The following IMMP2L variants were observed in gnomAD, a reference collection of about 807,000 sequenced individuals.
IMMP2L encodes the protein inner mitochondrial membrane peptidase subunit 2.
In IMMP2L, 18 loss-of-function variants were observed where a neutral mutation model predicts 19.3. The ratio of observed to expected loss-of-function variants is 0.93; its 90% CI spans 0.64 to 1.38. The LOEUF (loss-of-function observed/expected upper bound fraction) is 1.38. IMMP2L is among the 40% of genes most tolerant of loss of function. The pLI is 0.00. For synonymous variants in IMMP2L, 76 were observed against 73.0 expected, an observed-to-expected ratio of 1.04 and a Z score of -0.21; for missense variants, 233 against 218.2, an observed-to-expected ratio of 1.07 and a Z score of -0.43.
intron 3 of IMMP2L, among the ~76,000 whole-genome samples, chr7:111,253,353 G>A (rs1013049412): frequency 6.6e-6 from 1 of 152,114 alleles, no homozygotes; most frequent in Non-Finnish European, 1.5e-5. Context: ...CAGGACTCAA[G>A]GAGCTGACAT....
At position 111,055,963 on chromosome 7, in the gene IMMP2L, T is replaced by G. The variant is rs1031675459; in HGVS notation, c.240-92398A>C. 7.2e-5 allele frequency among the ~76,000 whole-genome samples: 11 copies of G among 152,276 alleles called. No homozygotes were observed. The East Asian group carries it at 2.1e-3, about 29-fold the overall frequency. On this transcript the variant is annotated intron_variant, in intron 3 of 5. Coordinates refer to ENST00000405709, the MANE Select transcript of IMMP2L (RefSeq NM_032549.4). ...GGCTAGTGCTTTTAGAATTGGCATA[T>G]TTAATAAAAACTCATGACATTGAAC... is the stretch of plus-strand genomic sequence containing the variant.
At chr7:110,814,422 T>C (rs1384868188) in intron 5 of IMMP2L, among the ~76,000 whole-genome samples, 3 of 147,224 alleles carry the variant, frequency 2.0e-5, no homozygotes, top group Non-Finnish European at 3.0e-5. Context: ...TGAGGAAATA[T>C]CAAAGTAAAA....
chr7:111,486,190 T>G (rs1842641459), intron 3 of IMMP2L, among the ~76,000 whole-genome samples: 1 of 152,204 alleles, frequency 6.6e-6, no homozygotes, highest in Non-Finnish European at 1.5e-5. Flanking sequence ...CACTTGAATT[T>G]ATTTCATTAG....
At chr7:111,347,084 G>A (rs1030048727) in intron 3 of IMMP2L, among the ~76,000 whole-genome samples, 2 of 152,092 alleles carry the variant, frequency 1.3e-5, no homozygotes, top group Admixed American at 6.6e-5. Flanking sequence ...AGTCTAGAAC[G>A]ACTGCCAAGT....
intron 3 of IMMP2L, among the ~76,000 whole-genome samples, chr7:111,460,915 T>C (rs1198455606): frequency 6.6e-6 from 1 of 152,084 alleles, no homozygotes; most frequent in Non-Finnish European, 1.5e-5. Flanking sequence ...TATAGTTCCT[T>C]CTCATATTTT....
chr7:110,674,821 A>AG (rs902113426), intron 5 of IMMP2L, among the ~76,000 whole-genome samples: 2 of 152,146 alleles, frequency 1.3e-5, no homozygotes, highest in African/African-American at 4.8e-5. Flanking sequence ...GGGCCTCTCC[A>AG]GAGCACCTAC....
chr7:110,902,078 G>A (rs1248725985), intron 4 of IMMP2L, among the ~76,000 whole-genome samples: 1 of 151,984 alleles, frequency 6.6e-6, no homozygotes, highest in Non-Finnish European at 1.5e-5. Context: ...ATTCTATCAA[G>A]TCAACTCAGT....
Position 110,953,102 on chromosome 7 carries a change from T to C in IMMP2L, c.305+10398A>G, listed in dbSNP as rs558766594. The stretch of plus-strand genomic sequence containing the variant: ...ATAAACATCTGATTCCTTAGAAATA[T>C]ATTTCAAGTGCATATTTTCATTTTG... On this transcript the variant is annotated intron_variant, in intron 4 of 5. Coordinates refer to ENST00000405709, the MANE Select transcript of IMMP2L (RefSeq NM_032549.4). Among the ~76,000 whole-genome samples the C allele has an allele frequency of 1.4e-4, 21 of 152,258 alleles. No homozygotes were observed. The South Asian group carries it at 4.1e-3, about 30-fold the overall frequency.
intron 3 of IMMP2L, among the ~76,000 whole-genome samples, chr7:111,163,483 G>GAA (rs1805487950): frequency 6.6e-6 from 1 of 151,970 alleles, no homozygotes; most frequent in Non-Finnish European, 1.5e-5. Flanking sequence ...TTGACACTCT[G>GAA]AAAAAAAGTT....
chr7:110,922,756 T>C (rs1196913738), intron 4 of IMMP2L, among the ~76,000 whole-genome samples: 2 of 152,228 alleles, frequency 1.3e-5, no homozygotes, highest in Non-Finnish European at 1.5e-5. Flanking sequence ...CAGCCACCGA[T>C]TGTAAGAATA....
At chr7:111,323,821 A>G (rs948064574) in intron 3 of IMMP2L, among the ~76,000 whole-genome samples, 5 of 152,182 alleles carry the variant, frequency 3.3e-5, no homozygotes, top group Non-Finnish European at 7.3e-5. Flanking sequence ...ATAAAAAATG[A>G]TGAGTTCATG....
intron 3 of IMMP2L, among the ~76,000 whole-genome samples, chr7:111,165,936 C>CT (rs762485510): frequency 2.6e-5 from 4 of 152,038 alleles, no homozygotes; most frequent in Non-Finnish European, 5.9e-5. Flanking sequence ...TCAGCAGAGA[C>CT]TAAGACTGAA....
intron 5 of IMMP2L, among the ~76,000 whole-genome samples, chr7:110,706,798 C>G (rs1794716673): frequency 6.6e-6 from 1 of 151,942 alleles, no homozygotes; most frequent in African/African-American, 2.4e-5. Flanking sequence ...TGTAGGTTGC[C>G]TGCTTACTCT....
chr7:110,678,041 C>A (rs1323358944), intron 5 of IMMP2L, among the ~76,000 whole-genome samples: 1 of 152,152 alleles, frequency 6.6e-6, no homozygotes, highest in African/African-American at 2.4e-5. Context: ...ATGGCCCTTG[C>A]ACCTAGGAAT....
At chr7:110,776,304 A>G (rs1402957194) in intron 5 of IMMP2L, among the ~76,000 whole-genome samples, 1 of 152,060 alleles carries the variant, frequency 6.6e-6, no homozygotes, top group Non-Finnish European at 1.5e-5. Flanking sequence ...AATGTTAAAA[A>G]CAATCTTTGA....
chr7:111,371,587 T>C (rs1450615687), intron 3 of IMMP2L, among the ~76,000 whole-genome samples: 1 of 152,088 alleles, frequency 6.6e-6, no homozygotes, highest in Non-Finnish European at 1.5e-5. Flanking sequence ...AAGTACTTTC[T>C]GTGGACTGTT....
At chr7:110,995,441 A>G (rs4727753) in intron 3 of IMMP2L, among the ~76,000 whole-genome samples, 71,649 of 152,016 alleles carry the variant, frequency 0.47, 18,214 homozygotes, top group Non-Finnish European at 0.58. Flanking sequence ...GATGCTAATC[A>G]GCAAGAGGCT....
intron 3 of IMMP2L, among the ~76,000 whole-genome samples, chr7:111,075,692 G>GGGC (rs1795343287): frequency 1.3e-5 from 2 of 151,910 alleles, no homozygotes; most frequent in Non-Finnish European, 2.9e-5. Context: ...TAGAGTGCCC[G>GGGC]AGGTCAGACT....
At chr7:111,534,668 C>T (rs1405323350) in intron 1 of IMMP2L, among the ~76,000 whole-genome samples, 1 of 152,070 alleles carries the variant, frequency 6.6e-6, no homozygotes, top group Non-Finnish European at 1.5e-5. Flanking sequence ...TAAATTAGCT[C>T]ATATATAGGA....
Sources: allele counts gnomAD v4.1 joint callset (sites outside exome capture counted in the v4.1 genomes callset), GRCh38; gene constraint gnomAD v4.1.1; transcripts MANE v1.5; gene names NCBI Gene and HGNC (gene_info 2026-07-23, HGNC 2026-07-21).